The following ROBO2 variants were observed in gnomAD, a reference collection of about 807,000 sequenced individuals.
ROBO2 encodes roundabout homolog 2.
A neutral mutation model predicts 160.8 loss-of-function variants in ROBO2; 53 were observed. That is an observed-to-expected ratio of 0.33 (90% CI 0.26 to 0.41). ROBO2 has a LOEUF of 0.41. Among genes scored for constraint, ROBO2 ranks in the 10% least tolerant of loss-of-function variants. The pLI is 1.00. For missense variants in ROBO2, 1,577 were observed against 1,722.4 expected (o/e 0.92, Z 1.49); for synonymous variants, 664 against 611.7 (o/e 1.09, Z -1.26).
rs140536428 is a variant in ROBO2 at position 77,275,746 on chromosome 3, A to G, written c.388+177406A>G. Among the ~76,000 whole-genome samples, 160 of 152,286 alleles carry G rather than the reference A, an allele frequency of 1.1e-3. 1 individual carries two copies. The highest frequency in any genetic ancestry group is 3.6e-3 in the African/African-American group (149 of 41,568). ...AAAGTTTAATAGTATAAATTGCCAA[A>G]CAAAATTGGCATAAGAGTTTCTCCA... On this transcript the variant is annotated intron_variant, in intron 2 of 25. Transcript: ENST00000461745.
At chr3:76,213,837 A>G (rs1703311439) in intron 2 of ROBO2, among the ~76,000 whole-genome samples, 1 of 152,216 alleles carries the variant, frequency 6.6e-6, no homozygotes, top group African/African-American at 2.4e-5. Flanking sequence ...CACAGAGAAT[A>G]GCAATGTTGG....
chr3:77,131,396 A>T (rs2075839842), intron 2 of ROBO2, among the ~76,000 whole-genome samples: 2 of 152,102 alleles, frequency 1.3e-5, no homozygotes, highest in African/African-American at 4.8e-5. Flanking sequence ...TTCTCTCCAG[A>T]TTTACTCATA....
At chr3:76,536,639 G>A (rs1213911650) in intron 2 of ROBO2, among the ~76,000 whole-genome samples, 1 of 152,118 alleles carries the variant, frequency 6.6e-6, no homozygotes, top group East Asian at 1.9e-4. Flanking sequence ...TCGGGGAACT[G>A]CCCTGGTGCC....
intron 2 of ROBO2, among the ~76,000 whole-genome samples, chr3:76,762,223 C>G (rs1038092504): frequency 1.8e-4 from 28 of 151,438 alleles, no homozygotes; most frequent in African/African-American, 6.5e-4. Flanking sequence ...TATGCAATTG[C>G]CTTTGTTTCT....
intron 2 of ROBO2, among the ~76,000 whole-genome samples, chr3:77,397,688 A>G (rs1323887998): frequency 3.9e-5 from 6 of 152,154 alleles, no homozygotes; most frequent in Admixed American, 2.6e-4. Flanking sequence ...TAAATGTTCA[A>G]TAGTATTCAT....
intron 2 of ROBO2, among the ~76,000 whole-genome samples, chr3:77,249,201 CA>C (rs2090081856): frequency 6.6e-6 from 1 of 152,032 alleles, no homozygotes; most frequent in African/African-American, 2.4e-5. Flanking sequence ...TGGAAAAAAA[CA>C]AAAACAACAA....
chr3:77,401,074 T>A (rs145623678), intron 2 of ROBO2, among the ~76,000 whole-genome samples: 8 of 152,102 alleles, frequency 5.3e-5, no homozygotes, highest in Non-Finnish European at 7.4e-5. Context: ...ATAGAAGCCA[T>A]GAACATAGAG....
At chr3:77,580,195 C>G (rs973936927) in intron 16 of ROBO2, 77 bp downstream of exon 17, 30 of 1,312,100 alleles carry the variant, frequency 2.3e-5, no homozygotes, top group Admixed American at 3.4e-5. Context: ...CATCAACCTA[C>G]TAATAGTGAA....
chr3:76,214,407 T>C (rs1245332271), intron 2 of ROBO2, among the ~76,000 whole-genome samples: 1 of 152,162 alleles, frequency 6.6e-6, no homozygotes, highest in Non-Finnish European at 1.5e-5. Context: ...GAATTCCCTT[T>C]CCTAGTGAAA....
chr3:77,487,432 T>C (rs35533094), intron 4 of ROBO2, among the ~76,000 whole-genome samples: 83,342 of 151,970 alleles, frequency 0.55, 23,023 homozygotes, highest in Admixed American at 0.64. Flanking sequence ...GAACATTTAT[T>C]TATATTTGTC....
intron 2 of ROBO2, among the ~76,000 whole-genome samples, chr3:76,332,006 A>G (rs2073526764): frequency 3.3e-5 from 5 of 152,156 alleles, no homozygotes; most frequent in Admixed American, 3.3e-4. Context: ...TATTTAAACT[A>G]ATAGAAGATT....
intron 2 of ROBO2, among the ~76,000 whole-genome samples, chr3:76,658,289 C>T (rs1468986921): frequency 6.6e-6 from 1 of 151,468 alleles, no homozygotes; most frequent in African/African-American, 2.4e-5. Flanking sequence ...TTACATTAGT[C>T]TTATATAAAA....
chr3:77,641,135 C>T (rs371704671), intron 24 of ROBO2, among the ~76,000 whole-genome samples: 1 of 152,218 alleles, frequency 6.6e-6, no homozygotes, highest in East Asian at 1.9e-4. Context: ...AAACACCAAA[C>T]TCATTGGATT....
chr3:76,061,083 G>A (rs546016621), intron 2 of ROBO2, among the ~76,000 whole-genome samples: 1 of 151,512 alleles, frequency 6.6e-6, no homozygotes, highest in Non-Finnish European at 1.5e-5. Flanking sequence ...GTTTATTTAT[G>A]TTATTCTTCT....
intron 2 of ROBO2, among the ~76,000 whole-genome samples, chr3:76,843,852 T>A (rs2068527241): frequency 6.6e-6 from 1 of 152,056 alleles, no homozygotes; most frequent in Non-Finnish European, 1.5e-5. Context: ...AACTCTCATG[T>A]CTCGTGAAAA....
At chr3:76,347,956 G>A (rs1242144607) in intron 2 of ROBO2, among the ~76,000 whole-genome samples, 1 of 152,078 alleles carries the variant, frequency 6.6e-6, no homozygotes, top group Non-Finnish European at 1.5e-5. Flanking sequence ...CAAGAATGAC[G>A]GATGAAGTCT....
chr3:77,378,995 T>G (rs1393719056), intron 2 of ROBO2, among the ~76,000 whole-genome samples: 1 of 151,944 alleles, frequency 6.6e-6, no homozygotes, highest in Non-Finnish European at 1.5e-5. Context: ...TTGCCCAGGC[T>G]GGAGTGCAAT....
At chr3:76,333,105 CT>C (rs2073615443) in intron 2 of ROBO2, among the ~76,000 whole-genome samples, 1 of 152,188 alleles carries the variant, frequency 6.6e-6, no homozygotes. Context: ...GTAAACTGGT[CT>C]TCAGTGTCAG....
chr3:77,477,544 A>C (rs760429461), exon 3 of ROBO2: 9 of 1,614,148 alleles, frequency 5.6e-6, no homozygotes, highest in Non-Finnish European at 7.6e-6. Context: ...ACAAAGTTCG[A>C]ATTGATGACA....
Sources: gnomAD v4.1 joint callset for allele counts (sites outside exome capture counted in the v4.1 genomes callset) on GRCh38, gnomAD v4.1.1 for gene constraint, MANE v1.5 for transcripts, NCBI Gene and HGNC (gene_info 2026-07-23, HGNC 2026-07-21) for gene names.